Variants in TARS2 observed in about 807,000 individuals in gnomAD.
TARS2 encodes threonine--tRNA ligase, mitochondrial.
TARS2 carries 61 observed loss-of-function variants against 94.4 expected under a neutral mutation model. The observed-to-expected ratio is 0.65, with a 90% CI of 0.53 to 0.80. The LOEUF (loss-of-function observed/expected upper bound fraction) is 0.80, where lower values mean the gene tolerates loss of function less well. TARS2 is among the 30% of genes least tolerant of loss of function. TARS2 has a pLI of 0.00. For missense variants in TARS2, 704 were observed against 902.5 expected, an observed-to-expected ratio of 0.78 and a Z score of 2.82; for synonymous variants, 359 against 353.4, an observed-to-expected ratio of 1.02 and a Z score of -0.18.
intron 6 of TARS2, 78 bp from the exon 7 acceptor site, chr1:150,492,333 C>T: frequency 1.4e-6 from 2 of 1,429,914 alleles, no homozygotes; most frequent in South Asian, 1.2e-5. Context: ...CCTCTTCTGT[C>T]AGCTAAAGAC....
chr1:150,501,300 AAATTTTTTTTTTT>A (rs1311885187), intron 13 of TARS2, among the ~76,000 whole-genome samples: 1 of 72,992 alleles, frequency 1.4e-5, no homozygotes, highest in Admixed American at 1.3e-4. Context: ...CTACAAAAAA[AAATTTTTTTTTTT>A]TTTTTTTTTT....
chr1:150,503,406 G>A (rs1670008542), intron 13 of TARS2, among the ~76,000 whole-genome samples: 1 of 151,928 alleles, frequency 6.6e-6, no homozygotes, highest in African/African-American at 2.4e-5. Flanking sequence ...TAATTGTCAT[G>A]GCCGGGTGTG....
chr1:150,493,446 A>G (rs7552883), intron 7 of TARS2, among the ~76,000 whole-genome samples: 33,621 of 151,994 alleles, frequency 0.22, 4,230 homozygotes, highest in African/African-American at 0.32. Flanking sequence ...TACCTTTAGT[A>G]AAGGGCATGC....
chr1:150,505,590 G>A lies in TARS2; in HGVS notation c.1894-1G>A. 1 of 1,612,972 alleles carries A rather than the reference G, an allele frequency of 6.2e-7. No homozygotes were observed. The highest frequency in any genetic ancestry group is 1.1e-5 in the South Asian group (1 of 91,040). Reference sequence around the variant, plus strand: ...TTCCTGTCACCAAACCTCTGTTGCAGGCACAGCAGAGCCTGCGGGCTGCAG... The same window carrying A: ...TTCCTGTCACCAAACCTCTGTTGCAAGCACAGCAGAGCCTGCGGGCTGCAG... On this transcript the variant is annotated splice_acceptor_variant, in intron 16 of 17. Coordinates refer to ENST00000369064, the MANE Select transcript of TARS2 (RefSeq NM_025150.5). LOFTEE classifies it high-confidence loss of function.
chr1:150,496,340 A>G, intron 7 of TARS2, 142 bp from the exon 8 acceptor site: 1 of 929,620 alleles, frequency 1.1e-6, no homozygotes, highest in South Asian at 1.9e-5. Flanking sequence ...TGTCTAGAGG[A>G]TGGAGGTGTT....
chr1:150,498,375 A>G lies in TARS2; in HGVS notation c.1239-127A>G, dbSNP rs372089951. On this transcript the variant is annotated intron_variant, in intron 10 of 17. Transcript: ENST00000369064. ...GGGATTGACAGGACTCAGTGGGAGG[A>G]TGTGCTGAGGCTGGAGAGGGTTATA... 4.7e-4 allele frequency: 540 copies of G among 1,155,940 alleles called. 12 individuals carry two copies. The South Asian group carries it at 9.5e-3, about 20-fold the overall frequency. The allele number at this position is 1,155,940 out of a possible 1,614,324, so 71.6% of individuals were successfully genotyped here.
rs375252937 is a variant in TARS2, at chr1:150,506,879, A to C, written c.2009-37A>C. 8 of 1,612,120 alleles carry C rather than the reference A, an allele frequency of 5.0e-6. No individual in the cohort carries two copies. The South Asian group carries it at 8.8e-5, about 18-fold the overall frequency. ...AAAAGAAACTGTTCCATGTGGGTGA[A>C]TTTGCCCTGAGGTTCCCAAACTTCC... On this transcript the variant is annotated intron_variant, in intron 17 of 17. Transcript: ENST00000369064.
intron 2 of TARS2, 99 bp downstream of exon 2, chr1:150,488,153 T>TC (rs1251621919): frequency 2.2e-6 from 3 of 1,360,586 alleles, no homozygotes; most frequent in Non-Finnish European, 3.0e-6. Context: ...TTGTTTCTGT[T>TC]CCGTCCCCAT....
chr1:150,495,332 T>C (rs192102517), intron 7 of TARS2, among the ~76,000 whole-genome samples: 2 of 149,950 alleles, frequency 1.3e-5, no homozygotes, highest in Non-Finnish European at 2.9e-5. Context: ...GTGACAGATG[T>C]ATATACACAC....
chr1:150,504,263 C>A, intron 13 of TARS2, 72 bp from the exon 14 acceptor site: 1 of 1,460,580 alleles, frequency 6.8e-7, no homozygotes, highest in Non-Finnish European at 9.5e-7. Context: ...TGGGATGGCA[C>A]AGGTAATGGA....
intron 1 of TARS2, 112 bp downstream of exon 1, chr1:150,487,628 G>A: frequency 6.9e-7 from 1 of 1,451,004 alleles, no homozygotes; most frequent in East Asian, 2.4e-5. Context: ...CTGGTCCTCC[G>A]AGTCCCCAGA....
intron 13 of TARS2, among the ~76,000 whole-genome samples, chr1:150,502,637 C>T (rs1184329436): frequency 6.6e-6 from 1 of 152,182 alleles, no homozygotes. Context: ...GGTCCACCTA[C>T]CTCGGCCTCC....
chr1:150,498,740 C>T, intron 11 of TARS2, 76 bp downstream of exon 11: 1 of 1,607,750 alleles, frequency 6.2e-7, no homozygotes, highest in Non-Finnish European at 8.5e-7. Context: ...AACCCCTGAT[C>T]TTTATTTGCC....
rs1669370230 is a variant in TARS2 at position 150,491,277 on chromosome 1, C to CTAGACAAACT, written c.513-117_513-116insTAGACAAACT. 4.5e-5 allele frequency: 42 copies of CTAGACAAACT among 936,146 alleles called. No homozygotes were observed. The East Asian group carries it at 1.0e-3, about 23-fold the overall frequency. 58.0% of individuals were successfully genotyped at this position (936,146 alleles called of 1,614,324 possible). A position where few individuals can be genotyped will look rare whatever the true frequency, so the allele number is the denominator to read the frequency against. ...TTTTCTCTGAGTTTGTCTGTCTTTG[C>CTAGACAAACT]CTATAACTCTAGATTTCTCTTGAAG... On this transcript the variant is annotated intron_variant, in intron 4 of 17. Transcript: ENST00000369064.
At chr1:150,503,474 G>A (rs1325727912) in intron 13 of TARS2, among the ~76,000 whole-genome samples, 1 of 151,376 alleles carries the variant, frequency 6.6e-6, no homozygotes, top group Non-Finnish European at 1.5e-5. Flanking sequence ...GATCACTTGA[G>A]ATCAGGAGTT....
intron 3 of TARS2, 142 bp downstream of exon 3, chr1:150,489,229 T>G (rs1397318074): frequency 1.6e-6 from 2 of 1,278,942 alleles, no homozygotes; most frequent in Non-Finnish European, 2.2e-6. Context: ...CTTGACTATT[T>G]CTGGTTAGGA....
intron 7 of TARS2, 61 bp downstream of exon 7, chr1:150,492,550 G>A (rs1246670511): frequency 1.7e-5 from 26 of 1,550,850 alleles, no homozygotes; most frequent in Middle Eastern, 2.2e-4. Flanking sequence ...GGTGGCTCAC[G>A]CTTGTAATCC....
chr1:150,505,033 G>A (rs1670139614), intron 16 of TARS2, 55 bp downstream of exon 16: 3 of 1,582,600 alleles, frequency 1.9e-6, no homozygotes, highest in Non-Finnish European at 2.6e-6. Flanking sequence ...AGAGTCTGGT[G>A]CCCTGCAGTG....
intron 7 of TARS2, among the ~76,000 whole-genome samples, chr1:150,492,774 C>T (rs916502709): frequency 3.5e-5 from 5 of 144,270 alleles, no homozygotes; most frequent in African/African-American, 1.3e-4. Flanking sequence ...TGCACTACTG[C>T]ACTCCAGCCT....
Sources: allele counts gnomAD v4.1 joint callset (sites outside exome capture counted in the v4.1 genomes callset), GRCh38; gene constraint gnomAD v4.1.1; transcripts MANE v1.5; gene names NCBI Gene and HGNC (gene_info 2026-07-23, HGNC 2026-07-21).